The following PTDSS1 variants were observed in gnomAD, a reference collection of about 807,000 sequenced individuals.
PTDSS1 encodes PSS-1.
PTDSS1 carries 45 observed loss-of-function variants against 70.5 expected under a neutral mutation model. That is an observed-to-expected ratio of 0.64 (90% CI 0.50 to 0.82). PTDSS1 has a LOEUF of 0.82. Among genes scored for constraint, PTDSS1 ranks in the 40% least tolerant of loss-of-function variants. PTDSS1 has a pLI of 0.00. For missense variants in PTDSS1, 417 were observed against 586.1 expected (o/e 0.71, Z 2.98); for synonymous variants, 188 against 203.8 (o/e 0.92, Z 0.66).
rs1810429201 is a variant in PTDSS1 at position 96,262,805 on chromosome 8, A to G, written c.179+586A>G. Among the ~76,000 whole-genome samples the G allele has an allele frequency of 6.6e-6, 1 of 152,214 alleles. No individual in the cohort carries two copies. The highest frequency in any genetic ancestry group is 1.5e-5 in the Non-Finnish European group (1 of 68,040). On this transcript the variant is annotated intron_variant, in intron 1 of 12. Transcript: ENST00000517309. The surrounding 1 kb of genome is among the most constrained non-coding windows in gnomAD (Gnocchi z 4.4). ...GTGCAGCACTTCCCGTATGCATTGC[A>G]CACAAGTCATCCAGCATAACACTTC...
chr8:96,330,487 A>G (rs1811499926), intron 11 of PTDSS1: 1 of 554,096 alleles, frequency 1.8e-6, no homozygotes, highest in Non-Finnish European at 3.2e-6. Flanking sequence ...CAGTAGACCA[A>G]TATTTTTGTC....
intron 9 of PTDSS1, among the ~76,000 whole-genome samples, chr8:96,312,153 G>C (rs1174783718): frequency 6.6e-6 from 1 of 152,210 alleles, no homozygotes; most frequent in East Asian, 1.9e-4. Flanking sequence ...CACGGTGGGA[G>C]AAACGGCAAA....
intron 2 of PTDSS1, among the ~76,000 whole-genome samples, chr8:96,274,935 T>G (rs1005965277): frequency 6.6e-6 from 1 of 152,176 alleles, no homozygotes; most frequent in Non-Finnish European, 1.5e-5. Context: ...GAGCTGAGTT[T>G]AGCTCTCCAA....
At chr8:96,296,132 CTTTTTT>C (rs34559310) in intron 5 of PTDSS1, among the ~76,000 whole-genome samples, 1 of 54,270 alleles carries the variant, frequency 1.8e-5, no homozygotes, top group Non-Finnish European at 3.5e-5. Context: ...TCATGGTGTT[CTTTTTT>C]TTTTTTTTTT....
intron 10 of PTDSS1, among the ~76,000 whole-genome samples, chr8:96,325,886 C>T (rs778609866): frequency 1.3e-4 from 20 of 152,176 alleles, no homozygotes; most frequent in Non-Finnish European, 2.2e-4. Flanking sequence ...CAGGAAATGC[C>T]GGCTTCCTTA....
chr8:96,267,082 G>T (rs1233909022), intron 1 of PTDSS1, among the ~76,000 whole-genome samples: 1 of 152,088 alleles, frequency 6.6e-6, no homozygotes, highest in Non-Finnish European at 1.5e-5. Flanking sequence ...AATAAACTGT[G>T]TTTAGCATTT....
At chr8:96,302,046 T>A (rs1170863862) in intron 6 of PTDSS1, among the ~76,000 whole-genome samples, 1 of 152,072 alleles carries the variant, frequency 6.6e-6, no homozygotes, top group East Asian at 1.9e-4. Context: ...TGAGACAGAG[T>A]CTTGCTCTGT....
At chr8:96,330,902 T>C in intron 11 of PTDSS1, 124 bp from the exon 12 acceptor site, 1 of 740,240 alleles carries the variant, frequency 1.4e-6, no homozygotes, top group Non-Finnish European at 2.3e-6. Context: ...AGGGAGGTTC[T>C]GTCACTTGCC....
At chr8:96,304,511 A>C (rs1563575449) in intron 7 of PTDSS1, among the ~76,000 whole-genome samples, 1 of 152,262 alleles carries the variant, frequency 6.6e-6, no homozygotes, top group African/African-American at 2.4e-5. Flanking sequence ...TCAAGACCAA[A>C]GGAACAAATG....
At chr8:96,277,947 C>T (rs970025930) in intron 2 of PTDSS1, among the ~76,000 whole-genome samples, 2 of 152,216 alleles carry the variant, frequency 1.3e-5, no homozygotes, top group Admixed American at 6.5e-5. Context: ...CGTAACAAGA[C>T]GTTCTGAGAT....
At chr8:96,277,495 C>T (rs1463082321) in intron 2 of PTDSS1, among the ~76,000 whole-genome samples, 1 of 152,196 alleles carries the variant, frequency 6.6e-6, no homozygotes, top group East Asian at 1.9e-4. Flanking sequence ...TTCCATTCTC[C>T]CCACCCTTGG....
intron 5 of PTDSS1, 106 bp downstream of exon 5, chr8:96,295,362 T>G: frequency 7.9e-7 from 1 of 1,259,986 alleles, no homozygotes; most frequent in Non-Finnish European, 1.1e-6. Flanking sequence ...CTCCAGCCCC[T>G]GTGGTACAAA....
intron 2 of PTDSS1, chr8:96,283,859 A>G: frequency 2.3e-6 from 1 of 434,302 alleles, no homozygotes; most frequent in Non-Finnish European, 4.0e-6. Context: ...ACTTCTCAAG[A>G]CAAAGCTTTA....
intron 6 of PTDSS1, among the ~76,000 whole-genome samples, chr8:96,300,655 G>A (rs1811037599): frequency 6.6e-6 from 1 of 152,136 alleles, no homozygotes; most frequent in South Asian, 2.1e-4. Flanking sequence ...TTAAAACTTT[G>A]TTTACTCTAT....
At chr8:96,264,554 TAGTG>T (rs1290209376) in intron 1 of PTDSS1, among the ~76,000 whole-genome samples, 1 of 152,176 alleles carries the variant, frequency 6.6e-6, no homozygotes, top group African/African-American at 2.4e-5. Flanking sequence ...ATAATGAAAT[TAGTG>T]AGGGAGTTTC....
rs561706332 is a variant in PTDSS1 at position 96,333,869 on chromosome 8, C to T, written c.*303C>T. 6.3e-6 allele frequency: 4 copies of T among 635,702 alleles called. No homozygotes were observed. The highest frequency in any genetic ancestry group is 8.5e-6 in the Non-Finnish European group (3 of 352,088). The allele number at this position is 635,702 out of a possible 1,614,324, so 39.4% of individuals were successfully genotyped here. ...ACGGTAGCTATTCATTCACAGTTGC[C>T]AAGAGCAGCTCCGCGCCTGCTGGAT... On this transcript the variant is annotated 3_prime_UTR_variant, in exon 13 of 13. Transcript: ENST00000517309.
intron 2 of PTDSS1, among the ~76,000 whole-genome samples, chr8:96,280,338 A>G (rs1303314639): frequency 3.3e-5 from 5 of 152,190 alleles, no homozygotes; most frequent in South Asian, 2.1e-4. Flanking sequence ...CCTCGCCAAC[A>G]TGGTGAAACC....
intron 3 of PTDSS1, among the ~76,000 whole-genome samples, chr8:96,285,070 G>GTAATC (rs1469391306): frequency 2.0e-5 from 3 of 152,218 alleles, no homozygotes; most frequent in African/African-American, 7.2e-5. Context: ...ACACAAATCA[G>GTAATC]TAATCAAAAA....
intron 9 of PTDSS1, among the ~76,000 whole-genome samples, chr8:96,317,228 T>G (rs933534750): frequency 2.0e-5 from 3 of 151,956 alleles, no homozygotes; most frequent in Non-Finnish European, 4.4e-5. Context: ...TTTCCCCTGA[T>G]TCCTGGCCCT....
Sources: allele counts gnomAD v4.1 joint callset (sites outside exome capture counted in the v4.1 genomes callset), GRCh38; gene constraint gnomAD v4.1.1; non-coding constraint Gnocchi (gnomAD v3.1); transcripts MANE v1.5; gene names NCBI Gene and HGNC (gene_info 2026-07-23, HGNC 2026-07-21).